Variants in ASTL observed in about 807,000 individuals in gnomAD.
ASTL encodes the protein astacin like metalloendopeptidase, also known as astacin-like metalloendopeptidase.
Under a neutral mutation model 36.7 loss-of-function variants are expected in ASTL, and 27 were observed. That is an observed-to-expected ratio of 0.73 (90% CI 0.54 to 1.01). The LOEUF (loss-of-function observed/expected upper bound fraction) is 1.01, where lower values mean the gene tolerates loss of function less well. Ranked by LOEUF, ASTL falls within the 50% of genes least tolerant of loss-of-function variation. The probability of loss-of-function intolerance (pLI) is 0.00; values close to 1 mark genes in which losing one functional copy is unlikely to be tolerated. For synonymous variants in ASTL, 222 were observed against 228.1 expected (o/e 0.97, Z 0.24); for missense variants, 524 against 572.8 (o/e 0.91, Z 0.87).
rs760460799 is a variant in ASTL, at chr2:96,124,827, C to T, written c.875-556G>A. ...GCTGGCCCCAGCCCCTCAGCACTGCCTCCCATCCCAGTTCCTCCTGCGCAT... is the reference window on the plus strand; with the variant it reads ...GCTGGCCCCAGCCCCTCAGCACTGCTTCCCATCCCAGTTCCTCCTGCGCAT... On this transcript the variant is annotated intron_variant, in intron 8 of 8. Coordinates refer to ENST00000342380, the MANE Select transcript of ASTL (RefSeq NM_001002036.4). The surrounding 1 kb of genome is among the most constrained non-coding windows in gnomAD (Gnocchi z 4.1). Among the ~76,000 whole-genome samples the T allele has an allele frequency of 5.3e-5, 8 of 152,202 alleles. No homozygotes were observed. The highest frequency in any genetic ancestry group is 1.7e-4 in the African/African-American group (7 of 41,444).
intron 8 of ASTL, among the ~76,000 whole-genome samples, chr2:96,125,486 G>C (rs1230764965): frequency 1.3e-5 from 2 of 151,924 alleles, no homozygotes; most frequent in Non-Finnish European, 2.9e-5. Flanking sequence ...AAACATTCTG[G>C]GTGTCCTTTC....
rs1261247910 is a variant in ASTL, at chr2:96,124,122, T to C, written c.1024A>G (p.Ser342Gly). 1 of 1,598,362 alleles carries C rather than the reference T, an allele frequency of 6.3e-7. No homozygotes were observed. The change falls in exon 9 of 9, where the codon AGC becomes GGC. Residue 342 changes from serine (S) to glycine (G), a missense_variant. Ser to Gly is a moderately conservative substitution (Grantham distance 56). Transcript: ENST00000342380. This position sits in a 1 kb window ranked among gnomAD's most constrained non-coding sequence, Gnocchi z 4.1. ...GQPVPAGPGE[S>G]PHGWESPALK... ...GCAGGGGACTCCCACCCATGTGGGC[T>C]CTCCCCAGGCCCTGCAGGAACGGGC...
chr2:96,125,798 C>A (rs1682051928), intron 8 of ASTL, among the ~76,000 whole-genome samples: 1 of 152,166 alleles, frequency 6.6e-6, no homozygotes, highest in South Asian at 2.1e-4. Context: ...CAAAACGTAG[C>A]CAGCATGGTG....
At chr2:96,133,753 G>C in intron 4 of ASTL, 1 of 640,256 alleles carries the variant, frequency 1.6e-6, no homozygotes, top group Non-Finnish European at 2.8e-6. Flanking sequence ...GTCTCAAGGG[G>C]AACCAGATCC....
At chr2:96,133,620 C>G in intron 4 of ASTL, 78 bp from the exon 5 acceptor site, 1 of 1,038,404 alleles carries the variant, frequency 9.6e-7, no homozygotes, top group Non-Finnish European at 1.5e-6. Flanking sequence ...GAGCAGAGCT[C>G]TGAACTCACT....
At chr2:96,125,186 C>A (rs1682041400) in intron 8 of ASTL, among the ~76,000 whole-genome samples, 1 of 152,208 alleles carries the variant, frequency 6.6e-6, no homozygotes, top group South Asian at 2.1e-4. Context: ...TCGGAGGTAG[C>A]CTCAACCACC....
chr2:96,129,764 C>T (rs1433572119), intron 8 of ASTL, 60 bp downstream of exon 8: 21 of 1,468,136 alleles, frequency 1.4e-5, no homozygotes, highest in Admixed American at 4.7e-5. Context: ...CCCTCCCTGA[C>T]ACCATTAGAG....
chr2:96,135,320 C>T (rs375586097), intron 3 of ASTL, 31 bp downstream of exon 3: 30 of 1,603,426 alleles, frequency 1.9e-5, no homozygotes, highest in Middle Eastern at 3.3e-4. Flanking sequence ...TGGGCTTATC[C>T]GCACCCACAC....
chr2:96,134,396 T>C (rs971887095), intron 3 of ASTL, among the ~76,000 whole-genome samples: 1 of 152,126 alleles, frequency 6.6e-6, no homozygotes, highest in Non-Finnish European at 1.5e-5. Context: ...CTCCAGCATG[T>C]TGACAGTGCC....
At chr2:96,138,000 C>T (rs1371126212) in intron 1 of ASTL, among the ~76,000 whole-genome samples, 5 of 152,178 alleles carry the variant, frequency 3.3e-5, no homozygotes, top group African/African-American at 7.2e-5. Flanking sequence ...CGGGTTCTGA[C>T]GCCCGTGACG....
chr2:96,134,134 AG>A, intron 3 of ASTL, 76 bp from the exon 4 acceptor site: 1 of 941,430 alleles, frequency 1.1e-6, no homozygotes, highest in African/African-American at 1.6e-5. Flanking sequence ...ACCACACCCC[AG>A]GGCACCAGAA....
At chr2:96,128,897 G>T (rs1192545574) in intron 8 of ASTL, among the ~76,000 whole-genome samples, 1 of 152,158 alleles carries the variant, frequency 6.6e-6, no homozygotes, top group East Asian at 1.9e-4. Flanking sequence ...AAAATTAGTT[G>T]GGTGTGGTGG....
chr2:96,132,432 G>A lies in ASTL; in HGVS notation c.637+108C>T. On this transcript the variant is annotated intron_variant, in intron 6 of 8. Coordinates refer to ENST00000342380, the MANE Select transcript of ASTL (RefSeq NM_001002036.4). The surrounding 1 kb of genome is among the most constrained non-coding windows in gnomAD (Gnocchi z 5.4). ...CCACCTTCCCCACAGGAAGCAGGCA[G>A]GTGATGGGGAGGATGGATAGCCTCA... 2 of 987,818 alleles carry A rather than the reference G, an allele frequency of 2.0e-6. No homozygotes were observed. Among genetic ancestry groups the A allele is most frequent in the Admixed American group, 2.8e-5 (1 of 35,854 alleles). 61.2% of individuals were successfully genotyped at this position (987,818 alleles called of 1,614,324 possible). A position where few individuals can be genotyped will look rare whatever the true frequency, so the allele number is the denominator to read the frequency against.
chr2:96,135,907 C>T (rs1558717907), intron 2 of ASTL, among the ~76,000 whole-genome samples: 1 of 152,212 alleles, frequency 6.6e-6, no homozygotes, highest in African/African-American at 2.4e-5. Flanking sequence ...CAGCCTGAGC[C>T]ACACTCCTCA....
chr2:96,137,898 G>C, intron 1 of ASTL, 198 bp from the exon 2 acceptor site: 1 of 567,974 alleles, frequency 1.8e-6, no homozygotes, highest in South Asian at 2.4e-5. Flanking sequence ...GATGACCTCA[G>C]GGAAGGAGCT....
chr2:96,135,156 G>A (rs1280325114), intron 3 of ASTL, among the ~76,000 whole-genome samples, 195 bp downstream of exon 3: 1 of 152,276 alleles, frequency 6.6e-6, no homozygotes, highest in Non-Finnish European at 1.5e-5. Flanking sequence ...TCAGATACCA[G>A]CCTTCCTTAG....
chr2:96,131,563 C>T (rs1558715815), intron 6 of ASTL, among the ~76,000 whole-genome samples: 2 of 152,214 alleles, frequency 1.3e-5, no homozygotes, highest in African/African-American at 4.8e-5. Context: ...CTTGTCACCC[C>T]CCTCACAACC....
rs540704629 is a variant in ASTL at position 96,134,910 on chromosome 2, C to T, written c.243+441G>A. ...CCTTCTCCCTTCAGATGCGGCCCCTCGACCACAGCCAAGATGGTCAGGCTC... is the reference window on the plus strand; with the variant it reads ...CCTTCTCCCTTCAGATGCGGCCCCTTGACCACAGCCAAGATGGTCAGGCTC... On this transcript the variant is annotated intron_variant, in intron 3 of 8. Coordinates refer to ENST00000342380, the MANE Select transcript of ASTL (RefSeq NM_001002036.4). 2.5e-4 allele frequency among the ~76,000 whole-genome samples: 38 copies of T among 152,362 alleles called. No homozygotes were observed. In the South Asian group the frequency reaches 7.5e-3, roughly 30 times the overall value.
rs767533400 is a variant in ASTL at position 96,132,636 on chromosome 2, G to T, written c.541C>A (p.Leu181Ile). Reference sequence around the variant, plus strand: ...CCCAGCACATGCATGAGCTCATGAAGGACAATGCCCCGGCCCTTCTGGAGA... The same window carrying T: ...CCCAGCACATGCATGAGCTCATGAATGACAATGCCCCGGCCCTTCTGGAGA... ...TCLQKGRGIVLHELMHVLGFW... is the reference protein window; with the variant it reads ...TCLQKGRGIVIHELMHVLGFW... The change falls in exon 6 of 9, where the codon CTT becomes ATT. Residue 181 changes from leucine to isoleucine, a missense_variant. Coordinates refer to ENST00000342380, the MANE Select transcript of ASTL (RefSeq NM_001002036.4). The surrounding 1 kb of genome is among the most constrained non-coding windows in gnomAD (Gnocchi z 5.4). The T allele has an allele frequency of 1.2e-6, 2 of 1,613,724 alleles. No homozygotes were observed. Among genetic ancestry groups the T allele is most frequent in the South Asian group, 2.2e-5 (2 of 91,088 alleles).
Sources: allele counts gnomAD v4.1 joint callset (sites outside exome capture counted in the v4.1 genomes callset), GRCh38; gene constraint gnomAD v4.1.1; non-coding constraint Gnocchi (gnomAD v3.1); transcripts MANE v1.5; gene names NCBI Gene and HGNC (gene_info 2026-07-23, HGNC 2026-07-21).